PTPRQ: variants seen among roughly 807,000 people sequenced by gnomAD.
PTPRQ encodes phosphatidylinositol phosphatase PTPRQ.
Under a neutral mutation model 246.0 loss-of-function variants are expected in PTPRQ, and 199 were observed. The observed-to-expected ratio is 0.81, with a 90% CI of 0.72 to 0.91. The LOEUF (loss-of-function observed/expected upper bound fraction) is 0.91. Among genes scored for constraint, PTPRQ ranks in the 40% least tolerant of loss-of-function variants. PTPRQ has a pLI of 0.00. For synonymous variants in PTPRQ, 869 were observed against 853.2 expected, an observed-to-expected ratio of 1.02 and a Z score of -0.32; for missense variants, 2,624 against 2,528.4, an observed-to-expected ratio of 1.04 and a Z score of -0.81.
At chr12:80,472,704 G>T (rs553472509) in intron 8 of PTPRQ, among the ~76,000 whole-genome samples, 2 of 152,268 alleles carry the variant, frequency 1.3e-5, no homozygotes, top group East Asian at 3.9e-4. Context: ...CTGAGTGGAT[G>T]TATGATATAG....
At position 80,481,684 on chromosome 12, in the gene PTPRQ, A is replaced by T. The variant is rs551575604; in HGVS notation, c.1187-2749A>T. 5.9e-3 allele frequency among the ~76,000 whole-genome samples: 893 copies of T among 152,224 alleles called. 9 individuals carry two copies. The highest frequency in any genetic ancestry group is 0.021 in the African/African-American group (857 of 41,518). On this transcript the variant is annotated intron_variant, in intron 8 of 44. Coordinates refer to ENST00000644991, the MANE Select transcript of PTPRQ (RefSeq NM_001145026.2). Reference sequence around the variant, plus strand: ...TAAGCAACTTCAGCAAAGTCTCAGGATACAAAACCAATGTACAAAAATCAC... The same window carrying T: ...TAAGCAACTTCAGCAAAGTCTCAGGTTACAAAACCAATGTACAAAAATCAC...
intron 43 of PTPRQ, among the ~76,000 whole-genome samples, chr12:80,675,470 T>C (rs936040698): frequency 1.3e-5 from 2 of 152,128 alleles, no homozygotes; most frequent in Admixed American, 1.3e-4. Context: ...AACATTTTCC[T>C]CCCATGTCCC....
intron 6 of PTPRQ, among the ~76,000 whole-genome samples, chr12:80,464,204 G>T (rs1231584664): frequency 6.8e-6 from 1 of 146,600 alleles, no homozygotes; most frequent in African/African-American, 2.5e-5. Flanking sequence ...ACAAACAAAG[G>T]CAGGGGTTGC....
rs80037197 is a variant in PTPRQ at position 80,548,266 on chromosome 12, A to G, written c.4016-1199A>G. 9.3e-3 allele frequency among the ~76,000 whole-genome samples: 1,411 copies of G among 152,202 alleles called. 57 individuals carry two copies. The highest frequency in any genetic ancestry group is 0.065 in the Admixed American group (994 of 15,274). The stretch of plus-strand genomic sequence containing the variant: ...TTAATTTTTTTTTGAGGTTCAAAAA[A>G]TCAGGAAAATGGATATTCACAAAAT... On this transcript the variant is annotated intron_variant, in intron 24 of 44. Coordinates refer to ENST00000644991, the MANE Select transcript of PTPRQ (RefSeq NM_001145026.2).
intron 25 of PTPRQ, among the ~76,000 whole-genome samples, chr12:80,552,084 C>T (rs1013472011): frequency 6.6e-6 from 1 of 152,024 alleles, no homozygotes; most frequent in African/African-American, 2.4e-5. Flanking sequence ...ATGAGTGAAG[C>T]TTAAGAATCC....
At chr12:80,668,958 CTG>C (rs1900875545) in intron 39 of PTPRQ, 47 bp from the exon 40 acceptor site, 1 of 1,494,212 alleles carries the variant, frequency 6.7e-7, no homozygotes, top group African/African-American at 1.4e-5. Context: ...AACTAAAACA[CTG>C]TATCTGTGAA....
intron 39 of PTPRQ, among the ~76,000 whole-genome samples, chr12:80,661,997 A>G (rs956186427): frequency 6.6e-6 from 1 of 151,938 alleles, no homozygotes; most frequent in Non-Finnish European, 1.5e-5. Flanking sequence ...ACTAAAGTCA[A>G]AACCAGTGTT....
At chr12:80,628,691 G>A (rs978654265) in intron 33 of PTPRQ, among the ~76,000 whole-genome samples, 5 of 151,964 alleles carry the variant, frequency 3.3e-5, no homozygotes, top group Non-Finnish European at 5.9e-5. Context: ...GAATAGTTTT[G>A]TATAAAACAA....
chr12:80,657,015 A>C (rs1043998083), intron 38 of PTPRQ, among the ~76,000 whole-genome samples: 2 of 151,924 alleles, frequency 1.3e-5, no homozygotes, highest in African/African-American at 4.8e-5. Flanking sequence ...GTACAAAGTC[A>C]TAGTGAAAAA....
intron 34 of PTPRQ, among the ~76,000 whole-genome samples, chr12:80,634,381 A>T (rs941188179): frequency 2.0e-5 from 3 of 152,336 alleles, no homozygotes; most frequent in East Asian, 3.9e-4. Context: ...TCTCAGATTC[A>T]TGTGGCTTTT....
At chr12:80,478,504 C>G (rs1032009918) in intron 8 of PTPRQ, among the ~76,000 whole-genome samples, 1 of 152,190 alleles carries the variant, frequency 6.6e-6, no homozygotes, top group Non-Finnish European at 1.5e-5. Flanking sequence ...CAGTTCCTCA[C>G]CAGCAATGGA....
At chr12:80,579,189 A>G (rs1279465281) in intron 25 of PTPRQ, among the ~76,000 whole-genome samples, 3 of 152,192 alleles carry the variant, frequency 2.0e-5, no homozygotes, top group African/African-American at 7.2e-5. Flanking sequence ...AGTGATATGA[A>G]GGCTCAGACT....
intron 38 of PTPRQ, among the ~76,000 whole-genome samples, 177 bp from the exon 39 acceptor site, chr12:80,657,808 A>C (rs919049441): frequency 2.0e-5 from 3 of 151,906 alleles, no homozygotes; most frequent in African/African-American, 7.2e-5. Context: ...AGGACATATT[A>C]ATAGTCATTG....
intron 35 of PTPRQ, among the ~76,000 whole-genome samples, chr12:80,640,692 A>G (rs1280881374): frequency 6.6e-6 from 1 of 152,218 alleles, no homozygotes; most frequent in Non-Finnish European, 1.5e-5. Flanking sequence ...TCTATATTTT[A>G]AAATACATAA....
At chr12:80,664,413 T>C (rs1900722730) in intron 39 of PTPRQ, among the ~76,000 whole-genome samples, 1 of 151,968 alleles carries the variant, frequency 6.6e-6, no homozygotes, top group Non-Finnish European at 1.5e-5. Flanking sequence ...ATATGAACTG[T>C]CCTAGTCCCT....
At chr12:80,649,390 A>G (rs1461274221) in intron 36 of PTPRQ, among the ~76,000 whole-genome samples, 198 bp from the exon 37 acceptor site, 3 of 152,280 alleles carry the variant, frequency 2.0e-5, no homozygotes, top group East Asian at 3.9e-4. Context: ...ATTTTGTGCC[A>G]TGAATACAAA....
chr12:80,452,477 T>G (rs559026071), intron 3 of PTPRQ, among the ~76,000 whole-genome samples: 1 of 152,336 alleles, frequency 6.6e-6, no homozygotes, highest in South Asian at 2.1e-4. Flanking sequence ...TCTTTACAAT[T>G]TGGCATGATT....
chr12:80,492,528 A>G (rs765270007), intron 9 of PTPRQ, among the ~76,000 whole-genome samples: 4 of 151,992 alleles, frequency 2.6e-5, no homozygotes, highest in Non-Finnish European at 5.9e-5. Context: ...GTTTCAATCA[A>G]TTATGCTAGT....
intron 35 of PTPRQ, among the ~76,000 whole-genome samples, chr12:80,644,088 C>A (rs767089456): frequency 6.6e-6 from 1 of 152,132 alleles, no homozygotes; most frequent in African/African-American, 2.4e-5. Flanking sequence ...CTATAGATTT[C>A]AACTAATTGA....
Sources: gnomAD v4.1 joint callset for allele counts (sites outside exome capture counted in the v4.1 genomes callset) on GRCh38, gnomAD v4.1.1 for gene constraint, MANE v1.5 for transcripts, NCBI Gene and HGNC (gene_info 2026-07-23, HGNC 2026-07-21) for gene names.